Variants in PIK3AP1 observed in about 807,000 individuals in gnomAD.
PIK3AP1 encodes the protein phosphoinositide-3-kinase adaptor protein 1.
PIK3AP1 carries 21 observed loss-of-function variants against 88.1 expected under a neutral mutation model. The observed-to-expected ratio is 0.24, with a 90% CI of 0.17 to 0.34. The LOEUF is 0.34. PIK3AP1 is among the 10% of genes least tolerant of loss of function. PIK3AP1 has a pLI of 1.00. For missense variants in PIK3AP1, 828 were observed against 1,035.7 expected (o/e 0.80, Z 2.75); for synonymous variants, 398 against 400.0 (o/e 1.00, Z 0.06).
intron 2 of PIK3AP1, among the ~76,000 whole-genome samples, chr10:96,686,053 C>G (rs968445057): frequency 1.3e-5 from 2 of 152,180 alleles, no homozygotes; most frequent in African/African-American, 4.8e-5. Context: ...GCAGAAGCAC[C>G]TGAGGCAAAT....
chr10:96,648,569 G>T (rs1843491965), intron 7 of PIK3AP1, 90 bp downstream of exon 7: 1 of 1,349,580 alleles, frequency 7.4e-7, no homozygotes, highest in Non-Finnish European at 1.0e-6. Context: ...ACATGCTAGA[G>T]ATAAAATCTG....
chr10:96,626,587 G>C (rs1342788528), intron 10 of PIK3AP1, 121 bp downstream of exon 10: 1 of 1,094,124 alleles, frequency 9.1e-7, no homozygotes, highest in East Asian at 2.6e-5. Flanking sequence ...CGTAGGGCTG[G>C]TTGAAGACCA....
chr10:96,595,693 G>A, intron 16 of PIK3AP1, 59 bp from the exon 17 acceptor site: 1 of 1,551,236 alleles, frequency 6.4e-7, no homozygotes, highest in South Asian at 1.1e-5. Flanking sequence ...CAGTTCTTAG[G>A]AATGCACAAT....
intron 2 of PIK3AP1, among the ~76,000 whole-genome samples, chr10:96,687,255 C>CAAAAAA (rs59631566): frequency 2.2e-3 from 123 of 55,322 alleles, no homozygotes; most frequent in Non-Finnish European, 2.4e-3. Context: ...TACTCCATCT[C>CAAAAAA]AAAAAAAAAA....
intron 10 of PIK3AP1, among the ~76,000 whole-genome samples, chr10:96,624,202 G>A (rs1843124561): frequency 6.6e-6 from 1 of 152,208 alleles, no homozygotes; most frequent in Admixed American, 6.5e-5. Flanking sequence ...TTCTTTCACT[G>A]GTTGTGATGA....
intron 2 of PIK3AP1, among the ~76,000 whole-genome samples, chr10:96,694,460 T>C (rs1844194355): frequency 6.6e-6 from 1 of 151,856 alleles, no homozygotes. Context: ...GTCCAGATGA[T>C]CCCAAAGTTT....
At chr10:96,610,798 A>C (rs1032360167) in intron 13 of PIK3AP1, among the ~76,000 whole-genome samples, 1 of 152,222 alleles carries the variant, frequency 6.6e-6, no homozygotes, top group Non-Finnish European at 1.5e-5. Context: ...GTAGAAAAAA[A>C]GTCTGGGGGC....
Position 96,663,627 on chromosome 10 carries a change from CAAAAAAAAA to C in PIK3AP1, c.431-6702_431-6694del, listed in dbSNP as rs373081849. 3.8e-3 allele frequency among the ~76,000 whole-genome samples: 164 copies of C among 42,984 alleles called. 1 individual carries two copies. The highest frequency in any genetic ancestry group is 0.012 in the African/African-American group (137 of 11,724). 28.2% of individuals were successfully genotyped at this position (42,984 alleles called of 152,430 possible). A position where few individuals can be genotyped will look rare whatever the true frequency, so the allele number is the denominator to read the frequency against. ...CCTGGGCAACAGAGTGAGACTCCGT[CAAAAAAAAA>C]AAAAAAAAAAAAAAAAAAGAAACCC... On this transcript the variant is annotated intron_variant, in intron 2 of 16. Coordinates refer to ENST00000339364, the MANE Select transcript of PIK3AP1 (RefSeq NM_152309.3).
At chr10:96,647,800 A>G (rs1843480756) in intron 7 of PIK3AP1, among the ~76,000 whole-genome samples, 1 of 152,160 alleles carries the variant, frequency 6.6e-6, no homozygotes, top group African/African-American at 2.4e-5. Flanking sequence ...GCCCCATGCG[A>G]GAGGCTGAGC....
rs1180291046 is a variant in PIK3AP1, at chr10:96,720,246, T to G, written c.13+136A>C. 3 of 910,204 alleles carry G rather than the reference T, an allele frequency of 3.3e-6. No homozygotes were observed. Among genetic ancestry groups the G allele is most frequent in the Non-Finnish European group, 2.9e-6 (2 of 695,610 alleles). The allele number at this position is 910,204 out of a possible 1,614,324, so 56.4% of individuals were successfully genotyped here. ...AGTGGGAAGTTTGCGACAGGGAACA[T>G]AGAAAAGAGCAGAAAGAGGGCAAGA... On this transcript the variant is annotated intron_variant, in intron 1 of 16. Coordinates refer to ENST00000339364, the MANE Select transcript of PIK3AP1 (RefSeq NM_152309.3). This position sits in a 1 kb window ranked among gnomAD's most constrained non-coding sequence, Gnocchi z 4.6.
At chr10:96,701,839 T>A (rs559482850) in intron 2 of PIK3AP1, among the ~76,000 whole-genome samples, 1 of 152,312 alleles carries the variant, frequency 6.6e-6, no homozygotes, top group African/African-American at 2.4e-5. Context: ...TGCAATATTA[T>A]TTATAAAAGG....
intron 1 of PIK3AP1, among the ~76,000 whole-genome samples, chr10:96,711,829 C>T (rs1844442227): frequency 7.1e-6 from 1 of 140,296 alleles, no homozygotes; most frequent in Admixed American, 7.7e-5. Context: ...CGGTTCACTG[C>T]AAGCTCCGCC....
At chr10:96,627,001 C>T (rs1359408330) in intron 9 of PIK3AP1, 96 bp from the exon 10 acceptor site, 5 of 1,167,404 alleles carry the variant, frequency 4.3e-6, no homozygotes, top group East Asian at 2.4e-5. Flanking sequence ...TTTGTTTCCT[C>T]AGTGCTGCCC....
At chr10:96,602,849 T>G (rs1848923982) in intron 15 of PIK3AP1, among the ~76,000 whole-genome samples, 1 of 152,060 alleles carries the variant, frequency 6.6e-6, no homozygotes, top group South Asian at 2.1e-4. Context: ...AAGCAGCAAC[T>G]TACTCCCTGC....
chr10:96,627,230 C>T (rs969420463), intron 9 of PIK3AP1, among the ~76,000 whole-genome samples: 1 of 152,154 alleles, frequency 6.6e-6, no homozygotes, highest in Non-Finnish European at 1.5e-5. Context: ...CTGTCAAAGC[C>T]CTAGTTAAGA....
chr10:96,702,693 T>G (rs1844314420), intron 2 of PIK3AP1, among the ~76,000 whole-genome samples: 1 of 151,918 alleles, frequency 6.6e-6, no homozygotes, highest in African/African-American at 2.4e-5. Context: ...AATTTGATTG[T>G]GATAATCATT....
At chr10:96,660,085 T>G (rs1843665642) in intron 2 of PIK3AP1, among the ~76,000 whole-genome samples, 1 of 152,124 alleles carries the variant, frequency 6.6e-6, no homozygotes, top group African/African-American at 2.4e-5. Flanking sequence ...TAAGGCTTCA[T>G]TCCCATAAAA....
chr10:96,647,584 A>C (rs1350816024), intron 7 of PIK3AP1, among the ~76,000 whole-genome samples: 1 of 151,990 alleles, frequency 6.6e-6, no homozygotes, highest in Non-Finnish European at 1.5e-5. Flanking sequence ...AGTGACGCCC[A>C]AAAAAAAGGA....
intron 2 of PIK3AP1, among the ~76,000 whole-genome samples, chr10:96,683,670 C>T (rs1468769800): frequency 4.6e-5 from 7 of 152,084 alleles, no homozygotes; most frequent in Admixed American, 6.5e-5. Context: ...TATTTACAGC[C>T]GAACTATGAT....
Sources: gnomAD v4.1 joint callset for allele counts (sites outside exome capture counted in the v4.1 genomes callset) on GRCh38, gnomAD v4.1.1 for gene constraint, Gnocchi (gnomAD v3.1) non-coding constraint, MANE v1.5 for transcripts, NCBI Gene and HGNC (gene_info 2026-07-23, HGNC 2026-07-21) for gene names.